DEPDC7: variants seen among roughly 807,000 people sequenced by gnomAD.
DEPDC7 encodes the protein DEP domain-containing protein 7.
DEPDC7 carries 41 observed loss-of-function variants against 56.6 expected under a neutral mutation model. The ratio of observed to expected loss-of-function variants is 0.72; its 90% confidence interval spans 0.56 to 0.94. DEPDC7 has a LOEUF of 0.94. Among genes scored for constraint, DEPDC7 ranks in the 40% least tolerant of loss-of-function variants. The probability of loss-of-function intolerance (pLI) is 0.00; values close to 1 mark genes in which losing one functional copy is unlikely to be tolerated. For missense variants in DEPDC7, 522 were observed against 596.3 expected (o/e 0.88, Z 1.30); for synonymous variants, 185 against 208.8 (o/e 0.89, Z 0.98).
intron 1 of DEPDC7, among the ~76,000 whole-genome samples, chr11:33,024,434 A>G (rs966741977): frequency 8.6e-5 from 13 of 151,550 alleles, no homozygotes; most frequent in Non-Finnish European, 1.6e-4. Context: ...ATCAATGTGT[A>G]TGTGTGTGTG....
intron 4 of DEPDC7, among the ~76,000 whole-genome samples, chr11:33,029,984 C>CA (rs1853615560): frequency 6.6e-6 from 1 of 151,488 alleles, no homozygotes; most frequent in Admixed American, 6.6e-5. Context: ...TTTTTTGAGA[C>CA]AGAGTCTCTC....
intron 2 of DEPDC7, 141 bp from the exon 3 acceptor site, chr11:33,027,545 A>C: frequency 1.6e-6 from 1 of 623,406 alleles, no homozygotes; most frequent in Non-Finnish European, 2.4e-6. Context: ...GTGTTTTTAT[A>C]ATTTATTCTA....
intron 4 of DEPDC7, among the ~76,000 whole-genome samples, chr11:33,030,435 G>A (rs1312378100): frequency 7.4e-6 from 1 of 135,398 alleles, no homozygotes; most frequent in Admixed American, 7.5e-5. Flanking sequence ...TAGAGGACAT[G>A]ATTGATTGCT....
chr11:33,033,156 T>G (rs1853651362), intron 8 of DEPDC7, 106 bp from the exon 9 acceptor site: 1 of 1,009,218 alleles, frequency 9.9e-7, no homozygotes, highest in African/African-American at 1.6e-5. Context: ...CAGTGCATAT[T>G]ACAAAATGGG....
Position 33,032,936 on chromosome 11 carries a change from A to T in DEPDC7, c.1311A>T (p.Ile437=). 1 of 1,604,062 alleles carries T rather than the reference A, an allele frequency of 6.2e-7. No homozygotes were observed. Among genetic ancestry groups the T allele is most frequent in the Non-Finnish European group, 8.5e-7 (1 of 1,175,788 alleles). The change falls in exon 8 of 9, where the codon ATA becomes ATT. Residue 437 remains isoleucine, a synonymous_variant. Coordinates refer to ENST00000241051, the MANE Select transcript of DEPDC7 (RefSeq NM_001077242.2). ...TTGTAAGTGTTAAGCTTATGGCCAT[A>T]CAGAACGGAAGAGATCCAAATAGAG... ...HKIVSVKLMA[I]QNGRDPNRDA...
intron 1 of DEPDC7, among the ~76,000 whole-genome samples, chr11:33,020,496 C>T (rs1853512729): frequency 6.6e-6 from 1 of 152,158 alleles, no homozygotes; most frequent in Admixed American, 6.5e-5. Context: ...TCCTGAGCCT[C>T]CTTAGGCAAC....
At chr11:33,023,187 G>A (rs1853540234) in intron 1 of DEPDC7, among the ~76,000 whole-genome samples, 1 of 149,848 alleles carries the variant, frequency 6.7e-6, no homozygotes, top group Admixed American at 6.7e-5. Flanking sequence ...CCGAGATCAC[G>A]CCACTGCACT....
chr11:33,029,981 A>T (rs1235228900), intron 4 of DEPDC7, among the ~76,000 whole-genome samples: 2 of 151,592 alleles, frequency 1.3e-5, no homozygotes, highest in African/African-American at 4.8e-5. Context: ...TTTTTTTTTG[A>T]GACAGAGTCT....
chr11:33,026,096 G>T, intron 2 of DEPDC7, 47 bp downstream of exon 2: 1 of 1,604,468 alleles, frequency 6.2e-7, no homozygotes, highest in South Asian at 1.1e-5. Context: ...GCAGGATTTT[G>T]TCTACCTTTT....
chr11:33,016,315 C>G (rs969687764), intron 1 of DEPDC7: 3 of 1,394,728 alleles, frequency 2.2e-6, no homozygotes, highest in Non-Finnish European at 2.8e-6. Flanking sequence ...TCTGTGCGCC[C>G]GCTAACGTGC....
chr11:33,016,130 C>T, intron 1 of DEPDC7, 102 bp downstream of exon 1: 1 of 1,237,816 alleles, frequency 8.1e-7, no homozygotes, highest in Non-Finnish European at 1.0e-6. Flanking sequence ...CGGCCGCCTG[C>T]GCCTGTCAAC....
At chr11:33,019,559 A>G (rs1211657088) in intron 1 of DEPDC7, among the ~76,000 whole-genome samples, 3 of 151,980 alleles carry the variant, frequency 2.0e-5, no homozygotes, top group African/African-American at 7.3e-5. Flanking sequence ...CCAGCTACTC[A>G]GGAGGTTGAG....
In DEPDC7 at chr11:33,031,480, A is replaced by G; in HGVS notation, c.885A>G (p.Thr295=). 6.2e-7 allele frequency: 1 copy of G among 1,614,220 alleles called. No individual in the cohort carries two copies. Among genetic ancestry groups the G allele is most frequent in the South Asian group, 1.1e-5 (1 of 91,084 alleles). The stretch of plus-strand genomic sequence containing the variant: ...GCTTTCCTGAGCAACCAGACCGAAC[A>G]GACTTAGTGAAAGAACTTCTGTTTG... The part of the protein sequence containing the change: ...SRSFPEQPDR[T]DLVKELLFDA... Residue 295 remains threonine (T), a synonymous_variant, in exon 5 of 9, where the codon ACA becomes ACG. Coordinates refer to ENST00000241051, the MANE Select transcript of DEPDC7 (RefSeq NM_001077242.2).
intron 1 of DEPDC7, 97 bp from the exon 2 acceptor site, chr11:33,025,562 T>G: frequency 8.4e-7 from 1 of 1,184,938 alleles, no homozygotes; most frequent in Non-Finnish European, 1.2e-6. Context: ...TCAATAACTT[T>G]GGAAATTACC....
intron 2 of DEPDC7, among the ~76,000 whole-genome samples, chr11:33,026,917 T>G (rs914708517): frequency 6.6e-6 from 1 of 152,156 alleles, no homozygotes; most frequent in Admixed American, 6.6e-5. Context: ...CATAAGCCAC[T>G]GCGCCTGGCC....
At chr11:33,026,167 T>C in intron 2 of DEPDC7, 118 bp downstream of exon 2, 1 of 1,126,112 alleles carries the variant, frequency 8.9e-7, no homozygotes, top group Non-Finnish European at 1.3e-6. Flanking sequence ...AAAATATGGG[T>C]CTGTGGGTAA....
At chr11:33,019,056 G>A (rs941491293) in intron 1 of DEPDC7, among the ~76,000 whole-genome samples, 1 of 152,182 alleles carries the variant, frequency 6.6e-6, no homozygotes, top group African/African-American at 2.4e-5. Flanking sequence ...ACGGAACTCA[G>A]GTCCCTGGGA....
rs1375153248 is a variant in DEPDC7, at chr11:33,031,384, T to C, written c.789T>C (p.Asp263=). The change falls in exon 5 of 9, where the codon GAT becomes GAC. Residue 263 remains aspartate (D), a synonymous_variant. Coordinates refer to ENST00000241051, the MANE Select transcript of DEPDC7 (RefSeq NM_001077242.2). ...CTTCCCCTCTCCCCTATAGGGAAGA[T>C]GAGTGGCTCTCGGCAGCAATTGACT... is the stretch of plus-strand genomic sequence containing the variant. The part of the protein sequence containing the change: ...ILKAYSDSQE[D]EWLSAAIDCL... 5 of 1,613,826 alleles carry C rather than the reference T, an allele frequency of 3.1e-6. No homozygotes were observed. The highest frequency in any genetic ancestry group is 4.2e-6 in the Non-Finnish European group (5 of 1,179,674).
intron 1 of DEPDC7, chr11:33,016,521 C>G: frequency 6.2e-7 from 1 of 1,614,044 alleles, no homozygotes; most frequent in Non-Finnish European, 8.5e-7. Context: ...CTTGTCTCCC[C>G]AGACTCTTCC....
Sources: gnomAD v4.1 joint callset for allele counts (sites outside exome capture counted in the v4.1 genomes callset) on GRCh38, gnomAD v4.1.1 for gene constraint, MANE v1.5 for transcripts, NCBI Gene and HGNC (gene_info 2026-07-23, HGNC 2026-07-21) for gene names.